Variants in FBLN1 observed in about 807,000 individuals in gnomAD.
FBLN1 encodes the protein fibulin-1.
A neutral mutation model predicts 89.7 loss-of-function variants in FBLN1; 34 were observed. That is an observed-to-expected ratio of 0.38 (90% CI 0.29 to 0.50). The LOEUF (loss-of-function observed/expected upper bound fraction) is 0.50, where lower values mean the gene tolerates loss of function less well. Among genes scored for constraint, FBLN1 ranks in the 20% least tolerant of loss-of-function variants. The pLI is 0.92. For synonymous variants in FBLN1, 393 were observed against 391.3 expected (o/e 1.00, Z -0.05); for missense variants, 777 against 988.1 (o/e 0.79, Z 2.86).
Position 45,566,511 on chromosome 22 carries a change from G to C in FBLN1, c.1698-8000G>C, listed in dbSNP as rs543832654. Among the ~76,000 whole-genome samples the C allele has an allele frequency of 6.6e-5, 10 of 152,326 alleles. No individual in the cohort carries two copies. In the South Asian group the frequency reaches 8.3e-4, roughly 13 times the overall value. ...ACACCATGCAGGAAAAGCAAAATAA[G>C]AGCAGGAGGTTGAATTTCCTTCTTG... is the stretch of plus-strand genomic sequence containing the variant. On this transcript the variant is annotated intron_variant, in intron 14 of 16. Transcript: ENST00000327858.
chr22:45,593,223 C>G (rs933253526), intron 16 of FBLN1, among the ~76,000 whole-genome samples: 1 of 132,136 alleles, frequency 7.6e-6, no homozygotes, highest in Non-Finnish European at 1.6e-5. Context: ...AGTGCAACAT[C>G]AAATAGCAGG....
chr22:45,547,161 G>A lies in FBLN1; in HGVS notation c.1398G>A (p.Arg466=). The A allele has an allele frequency of 6.2e-7, 1 of 1,614,108 alleles. No individual in the cohort carries two copies. The highest frequency in any genetic ancestry group is 8.5e-7 in the Non-Finnish European group (1 of 1,180,036). Reference sequence around the variant, plus strand: ...ACGGCTCCTACCAGTGTTACTGCCGGCGAGGCTACCAGCTCAGCGATGTGG... The same window carrying A: ...ACGGCTCCTACCAGTGTTACTGCCGACGAGGCTACCAGCTCAGCGATGTGG... ...NVYGSYQCYC[R]RGYQLSDVDG... The change falls in exon 12 of 17, where the codon CGG becomes CGA. Residue 466 remains arginine (R), a synonymous_variant. Transcript: ENST00000327858.
At position 45,533,909 on chromosome 22, in the gene FBLN1, C is replaced by A; in HGVS notation, c.784+11C>A. On this transcript the variant is annotated intron_variant, in intron 7 of 16. Transcript: ENST00000327858. ...ACAATAGCTGCAAAGGTACAGCATGCGCTCCGAGTCTGCAAACCTGGTCTT... is the reference window on the plus strand; with the variant it reads ...ACAATAGCTGCAAAGGTACAGCATGAGCTCCGAGTCTGCAAACCTGGTCTT... The A allele has an allele frequency of 1.2e-6, 2 of 1,613,626 alleles. No individual in the cohort carries two copies. The highest frequency in any genetic ancestry group is 1.1e-5 in the South Asian group (1 of 91,072).
At position 45,574,408 on chromosome 22, in the gene FBLN1, T is replaced by C. The variant is rs1308359974; in HGVS notation, c.1698-103T>C. 2.4e-6 allele frequency: 3 copies of C among 1,259,898 alleles called. No homozygotes were observed. Among genetic ancestry groups the C allele is most frequent in the Non-Finnish European group, 3.4e-6 (3 of 877,306 alleles). The allele number at this position is 1,259,898 out of a possible 1,614,324, so 78.0% of individuals were successfully genotyped here. ...CTGATGGAGCTGTCTCTGGGACAGA[T>C]GCCCCTGCCCTGGCCACCTGCTCCT... On this transcript the variant is annotated intron_variant, in intron 14 of 16. Transcript: ENST00000327858. The surrounding 1 kb of genome is among the most constrained non-coding windows in gnomAD (Gnocchi z 4.1).
intron 14 of FBLN1, among the ~76,000 whole-genome samples, chr22:45,555,773 TAAAGAC>T (rs2088780745): frequency 6.6e-6 from 1 of 152,120 alleles, no homozygotes; most frequent in Non-Finnish European, 1.5e-5. Flanking sequence ...AATCTTCAAA[TAAAGAC>T]AATAATAAGA....
chr22:45,506,264 A>G (rs2088019439), intron 1 of FBLN1, among the ~76,000 whole-genome samples: 7 of 152,196 alleles, frequency 4.6e-5, no homozygotes, highest in Admixed American at 3.9e-4. Flanking sequence ...GCCTCTGCAC[A>G]TTCTACTACT....
chr22:45,515,123 G>T (rs1313610281), intron 1 of FBLN1, among the ~76,000 whole-genome samples: 1 of 152,218 alleles, frequency 6.6e-6, no homozygotes, highest in African/African-American at 2.4e-5. Flanking sequence ...TGAATGAGAG[G>T]GGCCTTGTCT....
At chr22:45,504,577 G>T (rs927517233) in intron 1 of FBLN1, among the ~76,000 whole-genome samples, 1 of 152,152 alleles carries the variant, frequency 6.6e-6, no homozygotes, top group Non-Finnish European at 1.5e-5. Context: ...AAAGGAAGGA[G>T]CCTCAGAGGC....
At chr22:45,527,071 A>G (rs1340902016) in intron 3 of FBLN1, among the ~76,000 whole-genome samples, 1 of 152,236 alleles carries the variant, frequency 6.6e-6, no homozygotes, top group Non-Finnish European at 1.5e-5. Context: ...AGGGCGTAGA[A>G]TAAGCAGCCT....
At position 45,578,247 on chromosome 22, in the gene FBLN1, T is replaced by G. The variant is rs958966051; in HGVS notation, c.1972+1139T>G. On this transcript the variant is annotated intron_variant, in intron 16 of 16. Coordinates refer to ENST00000327858, the MANE Select transcript of FBLN1 (RefSeq NM_006486.3). This position sits in a 1 kb window ranked among gnomAD's most constrained non-coding sequence, Gnocchi z 4.6. Reference sequence around the variant, plus strand: ...CCTCAAACCCGACGGTTGTTAAAACTGGCAGCTGGAGAAAGGGAATCGTTA... The same window carrying G: ...CCTCAAACCCGACGGTTGTTAAAACGGGCAGCTGGAGAAAGGGAATCGTTA... The G allele has an allele frequency of 6.6e-6, 1 of 152,224 alleles. No individual in the cohort carries two copies. Among genetic ancestry groups the G allele is most frequent in the Non-Finnish European group, 1.5e-5 (1 of 68,054 alleles). The allele number at this position is 152,224 out of a possible 1,614,324, so 9.4% of individuals were successfully genotyped here.
Position 45,590,757 on chromosome 22 carries a change from A to G in FBLN1, c.1973-9550A>G, listed in dbSNP as rs6519863. 0.33 allele frequency among the ~76,000 whole-genome samples: 49,721 copies of G among 151,794 alleles called. 12,992 individuals carry two copies. The highest frequency in any genetic ancestry group is 0.73 in the African/African-American group (30,100 of 41,282). Reference sequence around the variant, plus strand: ...CCTGAGGGATGGGAGTAAGGGGCCTATCGAGGGCGACTCCAAGTTCCTGGC... The same window carrying G: ...CCTGAGGGATGGGAGTAAGGGGCCTGTCGAGGGCGACTCCAAGTTCCTGGC... On this transcript the variant is annotated intron_variant, in intron 16 of 16. Transcript: ENST00000327858. The surrounding 1 kb of genome is among the most constrained non-coding windows in gnomAD (Gnocchi z 4.1).
Position 45,557,633 on chromosome 22 carries a change from C to T in FBLN1, c.1697+7018C>T, listed in dbSNP as rs1000685501. ...GAGTGGTGTCCACAGAATGAATCAT[C>T]CTATCCACTTGATTATTAAAATCCT... On this transcript the variant is annotated intron_variant, in intron 14 of 16. Coordinates refer to ENST00000327858, the MANE Select transcript of FBLN1 (RefSeq NM_006486.3). The surrounding 1 kb of genome is among the most constrained non-coding windows in gnomAD (Gnocchi z 4.9). 2.0e-5 allele frequency among the ~76,000 whole-genome samples: 3 copies of T among 152,176 alleles called. No individual in the cohort carries two copies. The highest frequency in any genetic ancestry group is 7.2e-5 in the African/African-American group (3 of 41,442).
At chr22:45,506,889 T>G (rs1272334596) in intron 1 of FBLN1, among the ~76,000 whole-genome samples, 4 of 152,228 alleles carry the variant, frequency 2.6e-5, no homozygotes, top group African/African-American at 7.2e-5. Context: ...TAAGAGGGCA[T>G]GTAGTTATTT....
chr22:45,600,773 C>G lies in FBLN1; in HGVS notation c.*327C>G. 2.5e-6 allele frequency: 1 copy of G among 394,112 alleles called. No individual in the cohort carries two copies. Among genetic ancestry groups the G allele is most frequent in the South Asian group, 2.3e-5 (1 of 43,246 alleles). The allele number at this position is 394,112 out of a possible 1,614,324, so 24.4% of individuals were successfully genotyped here. ...AGACATTTTTTAGGGGGCAGCCAGT[C>G]CAAATGCCAAAAGAAGACCAGTTCT... On this transcript the variant is annotated 3_prime_UTR_variant, in exon 17 of 17. Transcript: ENST00000327858.
rs988767053 is a variant in FBLN1, at chr22:45,576,405, C to T, written c.1841-572C>T. On this transcript the variant is annotated intron_variant, in intron 15 of 16. Transcript: ENST00000327858. The surrounding 1 kb of genome is among the most constrained non-coding windows in gnomAD (Gnocchi z 5.2). The stretch of plus-strand genomic sequence containing the variant: ...GCTGAAAGGACCTTTAGTGGGTCTC[C>T]GCCGGCTTCCTTCCTCACCTTACAG... Among the ~76,000 whole-genome samples the T allele has an allele frequency of 4.6e-5, 7 of 152,086 alleles. No individual in the cohort carries two copies. The highest frequency in any genetic ancestry group is 2.1e-4 in the South Asian group (1 of 4,816).
At chr22:45,553,064 G>T (rs548411284) in intron 14 of FBLN1, among the ~76,000 whole-genome samples, 2 of 152,340 alleles carry the variant, frequency 1.3e-5, no homozygotes, top group South Asian at 4.1e-4. Flanking sequence ...AGATAGAGCC[G>T]TCGATGGCCC....
intron 8 of FBLN1, 139 bp downstream of exon 8, chr22:45,535,476 C>T: frequency 4.3e-6 from 4 of 938,302 alleles, no homozygotes; most frequent in Non-Finnish European, 6.7e-6. Context: ...AAGGGCTGGA[C>T]AGCAAATAGA....
rs757805393 is a variant in FBLN1, at chr22:45,558,021, CGTGCAGAAT to C, written c.1697+7408_1697+7416del. 3 of 714,452 alleles carry C rather than the reference CGTGCAGAAT, an allele frequency of 4.2e-6. No individual in the cohort carries two copies. The South Asian group carries it at 4.5e-5, about 11-fold the overall frequency. The allele number at this position is 714,452 out of a possible 1,614,324, so 44.3% of individuals were successfully genotyped here. On this transcript the variant is annotated intron_variant, in intron 14 of 16. Coordinates refer to ENST00000327858, the MANE Select transcript of FBLN1 (RefSeq NM_006486.3). ...CCACTTTCGGGTGGTGCCTGCATAT[CGTGCAGAAT>C]GATCTGTGAACCAGGCCCTAGTCTT...
rs1024038103 is a variant in FBLN1 at position 45,590,799 on chromosome 22, G to A, written c.1973-9508G>A. On this transcript the variant is annotated intron_variant, in intron 16 of 16. Transcript: ENST00000327858. The surrounding 1 kb of genome is among the most constrained non-coding windows in gnomAD (Gnocchi z 4.1). ...GTTCCTGGCTTGGGGGTACCTGCCT[G>A]GAGAGTGAGGGGTAGGGGAGGAAGG... 1.3e-5 allele frequency among the ~76,000 whole-genome samples: 2 copies of A among 152,132 alleles called. No homozygotes were observed. Among genetic ancestry groups the A allele is most frequent in the Non-Finnish European group, 2.9e-5 (2 of 68,022 alleles).
Sources: allele counts gnomAD v4.1 joint callset (sites outside exome capture counted in the v4.1 genomes callset), GRCh38; gene constraint gnomAD v4.1.1; non-coding constraint Gnocchi (gnomAD v3.1); transcripts MANE v1.5; gene names NCBI Gene and HGNC (gene_info 2026-07-23, HGNC 2026-07-21).